The following MAP2 variants were observed in gnomAD, a reference collection of about 807,000 sequenced individuals.
The protein encoded by MAP2 is microtubule associated protein 2.
Under a neutral mutation model 137.6 loss-of-function variants are expected in MAP2, and 14 were observed. That is an observed-to-expected ratio of 0.10 (90% CI 0.07 to 0.16). MAP2 has a LOEUF of 0.16. MAP2 is among the 10% of genes least tolerant of loss of function. The pLI, the probability that MAP2 is intolerant of heterozygous loss-of-function variation, is 1.00. For missense variants in MAP2, 2,088 were observed against 2,191.5 expected (o/e 0.95, Z 0.94); for synonymous variants, 786 against 782.3 (o/e 1.00, Z -0.08).
At chr2:209,682,384 G>A (rs1322508226) in intron 7 of MAP2, among the ~76,000 whole-genome samples, 7 of 152,084 alleles carry the variant, frequency 4.6e-5, no homozygotes, top group South Asian at 4.1e-4. Flanking sequence ...CCAGCTACTC[G>A]GGAGGCTGAG....
chr2:209,479,934 C>G (rs952753223), intron 1 of MAP2, among the ~76,000 whole-genome samples: 4 of 152,044 alleles, frequency 2.6e-5, no homozygotes, highest in Non-Finnish European at 5.9e-5. Context: ...CACAACTGAG[C>G]CTATAAATGT....
intron 1 of MAP2, among the ~76,000 whole-genome samples, chr2:209,503,547 C>T (rs538262325): frequency 1.3e-5 from 2 of 152,098 alleles, no homozygotes; most frequent in East Asian, 1.9e-4. Context: ...TCAGGTCTTA[C>T]ATTTAAGTTT....
chr2:209,630,029 A>G (rs1278874433), intron 4 of MAP2, among the ~76,000 whole-genome samples: 3 of 152,198 alleles, frequency 2.0e-5, no homozygotes, highest in African/African-American at 7.2e-5. Context: ...TGGAGATAGG[A>G]AAAGAAAACA....
chr2:209,446,017 T>C (rs1159144066), intron 1 of MAP2, among the ~76,000 whole-genome samples: 1 of 151,764 alleles, frequency 6.6e-6, no homozygotes, highest in Non-Finnish European at 1.5e-5. Flanking sequence ...AAACAATAGA[T>C]ATTAAAAAGA....
intron 2 of MAP2, among the ~76,000 whole-genome samples, chr2:209,548,710 C>T (rs1195230463): frequency 1.3e-5 from 2 of 152,102 alleles, no homozygotes; most frequent in East Asian, 1.9e-4. Flanking sequence ...AATTGAATCA[C>T]GGGGTGGTTT....
intron 1 of MAP2, among the ~76,000 whole-genome samples, chr2:209,428,494 CCTTTT>C (rs1693213779): frequency 6.6e-6 from 1 of 151,344 alleles, no homozygotes; most frequent in Non-Finnish European, 1.5e-5. Flanking sequence ...CTCCTCTTTC[CCTTTT>C]CTTTTCTTCT....
rs573437469 is a variant in MAP2 at position 209,575,308 on chromosome 2, T to C, written c.-171-4728T>C. On this transcript the variant is annotated intron_variant, in intron 2 of 15. Transcript: ENST00000682079. The stretch of plus-strand genomic sequence containing the variant: ...AGGCCAAGGCGGGCGGATCACGAGG[T>C]CAGAAGATCGAGACCATCCTGGCTA... 2.2e-4 allele frequency among the ~76,000 whole-genome samples: 33 copies of C among 151,720 alleles called. No individual in the cohort carries two copies. In the South Asian group the frequency reaches 6.0e-3, roughly 28 times the overall value.
intron 2 of MAP2, among the ~76,000 whole-genome samples, chr2:209,546,882 C>T (rs1274470052): frequency 1.3e-5 from 2 of 151,954 alleles, no homozygotes; most frequent in African/African-American, 2.4e-5. Flanking sequence ...AGAAGATCAA[C>T]AAAAATATGA....
chr2:209,678,076 A>G (rs1583192802), intron 5 of MAP2, among the ~76,000 whole-genome samples: 1 of 152,160 alleles, frequency 6.6e-6, no homozygotes, highest in Non-Finnish European at 1.5e-5. Context: ...ATTTAAGTTA[A>G]ATTCAAAATG....
intron 4 of MAP2, among the ~76,000 whole-genome samples, chr2:209,629,459 A>G (rs1322585120): frequency 2.6e-5 from 4 of 152,178 alleles, no homozygotes; most frequent in Non-Finnish European, 2.9e-5. Context: ...ATACCCCAAC[A>G]TTTAAGGAAA....
intron 3 of MAP2, among the ~76,000 whole-genome samples, chr2:209,597,743 T>G (rs2081674526): frequency 6.6e-6 from 1 of 152,146 alleles, no homozygotes; most frequent in Non-Finnish European, 1.5e-5. Flanking sequence ...TTTTGTTTTT[T>G]TTGTTTTCGT....
chr2:209,541,099 C>T (rs1027663925), intron 2 of MAP2, among the ~76,000 whole-genome samples: 18 of 151,098 alleles, frequency 1.2e-4, no homozygotes, highest in Admixed American at 2.6e-4. Flanking sequence ...GGCACGATCT[C>T]GGCTCACTGC....
At chr2:209,426,329 G>A (rs1692567642) in intron 1 of MAP2, among the ~76,000 whole-genome samples, 1 of 151,878 alleles carries the variant, frequency 6.6e-6, no homozygotes, top group Non-Finnish European at 1.5e-5. Flanking sequence ...TAATATTTTA[G>A]TTATATTAAT....
chr2:209,614,694 G>A (rs1158260971), intron 3 of MAP2, among the ~76,000 whole-genome samples: 1 of 152,128 alleles, frequency 6.6e-6, no homozygotes, highest in African/African-American at 2.4e-5. Flanking sequence ...GTAATAAAAT[G>A]TTGGCTGCCA....
At chr2:209,598,609 C>A (rs2082067495) in intron 3 of MAP2, among the ~76,000 whole-genome samples, 1 of 141,166 alleles carries the variant, frequency 7.1e-6, no homozygotes, top group African/African-American at 2.6e-5. Flanking sequence ...TCCCCCACCC[C>A]ACAACAGTCC....
chr2:209,660,525 T>G (rs1454528779), intron 5 of MAP2, among the ~76,000 whole-genome samples: 1 of 142,014 alleles, frequency 7.0e-6, no homozygotes, highest in Non-Finnish European at 1.5e-5. Flanking sequence ...TCCCAATAGC[T>G]GGGACTACAG....
At chr2:209,713,409 T>C (rs1013380661) in intron 13 of MAP2, among the ~76,000 whole-genome samples, 1 of 152,174 alleles carries the variant, frequency 6.6e-6, no homozygotes, top group African/African-American at 2.4e-5. Flanking sequence ...GTCACATCAA[T>C]GCCTAATGGA....
chr2:209,586,970 A>G (rs946518269), intron 3 of MAP2, among the ~76,000 whole-genome samples: 3 of 152,184 alleles, frequency 2.0e-5, no homozygotes, highest in Admixed American at 2.0e-4. Flanking sequence ...TTTAAATCCC[A>G]GCCAGTTTTA....
At chr2:209,465,048 C>T (rs1278518607) in intron 1 of MAP2, among the ~76,000 whole-genome samples, 1 of 152,070 alleles carries the variant, frequency 6.6e-6, no homozygotes, top group Non-Finnish European at 1.5e-5. Context: ...TAGACTATGA[C>T]CATTCCCCCA....
Sources: gnomAD v4.1 joint callset for allele counts (sites outside exome capture counted in the v4.1 genomes callset) on GRCh38, gnomAD v4.1.1 for gene constraint, MANE v1.5 for transcripts, NCBI Gene and HGNC (gene_info 2026-07-23, HGNC 2026-07-21) for gene names.